Variants in ZBTB16 observed in about 807,000 individuals in gnomAD.
ZBTB16 encodes the protein zinc finger and BTB domain-containing protein 16.
Under a neutral mutation model 56.8 loss-of-function variants are expected in ZBTB16, and 8 were observed. That is an observed-to-expected ratio of 0.14 (90% CI 0.08 to 0.25). ZBTB16 has a LOEUF of 0.25. Among genes scored for constraint, ZBTB16 ranks in the 10% least tolerant of loss-of-function variants. The pLI is 1.00. For missense variants in ZBTB16, 625 were observed against 903.0 expected (o/e 0.69, Z 3.95); for synonymous variants, 363 against 368.5 (o/e 0.98, Z 0.17).
chr11:114,085,268 T>G (rs1939918386), intron 2 of ZBTB16, among the ~76,000 whole-genome samples: 1 of 152,218 alleles, frequency 6.6e-6, no homozygotes, highest in Non-Finnish European at 1.5e-5. Flanking sequence ...CCATTCTATC[T>G]TATTTCATTT....
At chr11:114,153,825 G>T (rs752985813) in intron 2 of ZBTB16, among the ~76,000 whole-genome samples, 6 of 152,168 alleles carry the variant, frequency 3.9e-5, no homozygotes, top group Non-Finnish European at 7.4e-5. Context: ...CAAAATATTT[G>T]ATGTGATCTT....
intron 3 of ZBTB16, among the ~76,000 whole-genome samples, chr11:114,182,570 G>C (rs1415927513): frequency 6.6e-6 from 1 of 152,134 alleles, no homozygotes; most frequent in African/African-American, 2.4e-5. Context: ...GCAAGTCATG[G>C]CCATCCCAGA....
intron 4 of ZBTB16, among the ~76,000 whole-genome samples, chr11:114,239,879 G>A (rs982842119): frequency 1.2e-4 from 19 of 152,200 alleles, no homozygotes; most frequent in Non-Finnish European, 1.6e-4. Flanking sequence ...AAGACAAACC[G>A]AGATATTTTC....
At position 114,069,159 on chromosome 11, in the gene ZBTB16, C is replaced by T. The variant is rs965253025; in HGVS notation, c.1268+4591C>T. On this transcript the variant is annotated intron_variant, in intron 2 of 6. Transcript: ENST00000335953. ...GGAGTGCAGTGGCGCGATCTCAGCT[C>T]ACTGCAAGCTCTGCCTCCCAGGTTC... is the stretch of plus-strand genomic sequence containing the variant. Among the ~76,000 whole-genome samples, 3 of 152,204 alleles carry T rather than the reference C, an allele frequency of 2.0e-5. No individual in the cohort carries two copies. In the East Asian group the frequency reaches 5.8e-4, roughly 29 times the overall value.
intron 2 of ZBTB16, among the ~76,000 whole-genome samples, chr11:114,141,121 C>T (rs1424023603): frequency 1.3e-5 from 2 of 152,212 alleles, no homozygotes; most frequent in Non-Finnish European, 2.9e-5. Context: ...GCCAGGCCAG[C>T]CTCCTGAAGG....
At chr11:114,128,472 T>A (rs1040319686) in intron 2 of ZBTB16, among the ~76,000 whole-genome samples, 4 of 152,196 alleles carry the variant, frequency 2.6e-5, no homozygotes, top group African/African-American at 4.8e-5. Flanking sequence ...TGTAGGATCT[T>A]AGGCAAATTG....
intron 1 of ZBTB16, among the ~76,000 whole-genome samples, chr11:114,062,331 G>A (rs899474845): frequency 6.6e-5 from 10 of 152,116 alleles, no homozygotes; most frequent in Non-Finnish European, 1.2e-4. Flanking sequence ...TCGAACTCCC[G>A]ACCTCAGGTG....
chr11:114,181,937 T>C (rs141808178), intron 3 of ZBTB16, among the ~76,000 whole-genome samples: 4,385 of 152,344 alleles, frequency 0.029, 111 homozygotes, highest in African/African-American at 0.065. Context: ...TGTTCTCACG[T>C]GGTGGCCTTG....
At chr11:114,191,454 A>G (rs550042382) in intron 4 of ZBTB16, among the ~76,000 whole-genome samples, 1 of 152,316 alleles carries the variant, frequency 6.6e-6, no homozygotes, top group South Asian at 2.1e-4. Flanking sequence ...GCTGTCCCAT[A>G]TAGCCTAGGT....
At chr11:114,072,303 C>CT (rs1451656910) in intron 2 of ZBTB16, among the ~76,000 whole-genome samples, 8 of 152,218 alleles carry the variant, frequency 5.3e-5, no homozygotes, top group Non-Finnish European at 1.0e-4. Flanking sequence ...CCAGGGTACT[C>CT]TTTGTCCCAT....
intron 2 of ZBTB16, among the ~76,000 whole-genome samples, chr11:114,140,293 G>T (rs1447978902): frequency 1.3e-5 from 2 of 152,198 alleles, no homozygotes; most frequent in African/African-American, 2.4e-5. Context: ...TCCCACTCAG[G>T]CTGGGTGTTG....
chr11:114,064,611 C>T lies in ZBTB16; in HGVS notation c.1268+43C>T. On this transcript the variant is annotated intron_variant, in intron 2 of 6. Transcript: ENST00000335953. This position sits in a 1 kb window ranked among gnomAD's most constrained non-coding sequence, Gnocchi z 4.2. ...CCCGCACCTGATGTAGGACTTGAGG[C>T]CCTCACACCCCTCCTTCACACCCTG... 6.2e-7 allele frequency: 1 copy of T among 1,605,676 alleles called. No homozygotes were observed.
intron 4 of ZBTB16, among the ~76,000 whole-genome samples, chr11:114,213,523 A>G (rs957682396): frequency 3.3e-5 from 5 of 152,190 alleles, no homozygotes; most frequent in Non-Finnish European, 7.3e-5. Context: ...CTTCTTGCTC[A>G]TGGGAGGAGA....
chr11:114,096,258 T>C (rs938702984), intron 2 of ZBTB16, among the ~76,000 whole-genome samples: 6 of 152,210 alleles, frequency 3.9e-5, no homozygotes, highest in Admixed American at 3.3e-4. Flanking sequence ...GCTTTGGATA[T>C]TGGAGAGCTG....
intron 2 of ZBTB16, among the ~76,000 whole-genome samples, chr11:114,123,496 C>G (rs1941401255): frequency 6.6e-6 from 1 of 151,880 alleles, no homozygotes; most frequent in African/African-American, 2.4e-5. Flanking sequence ...CACATATGTA[C>G]AGGCATATAT....
At chr11:114,114,499 G>C (rs936779907) in intron 2 of ZBTB16, among the ~76,000 whole-genome samples, 7 of 152,142 alleles carry the variant, frequency 4.6e-5, no homozygotes, top group Admixed American at 3.9e-4. Context: ...ATGACTGAAG[G>C]CATAGTGTTT....
At chr11:114,141,806 A>T (rs1941952432) in intron 2 of ZBTB16, among the ~76,000 whole-genome samples, 3 of 152,246 alleles carry the variant, frequency 2.0e-5, no homozygotes, top group African/African-American at 7.2e-5. Flanking sequence ...CTCAGAAAGA[A>T]ATAGAAATAA....
chr11:114,101,247 T>G (rs1056786373), intron 2 of ZBTB16, among the ~76,000 whole-genome samples: 2 of 152,138 alleles, frequency 1.3e-5, no homozygotes, highest in Admixed American at 1.3e-4. Flanking sequence ...TCAAACAATC[T>G]TCCCTCCTTG....
chr11:114,067,379 G>A (rs1455010875), intron 2 of ZBTB16, among the ~76,000 whole-genome samples: 3 of 152,090 alleles, frequency 2.0e-5, no homozygotes, highest in African/African-American at 7.2e-5. Context: ...TGTCACATGT[G>A]GGCTGCTGAC....
Sources: gnomAD v4.1 joint callset for allele counts (sites outside exome capture counted in the v4.1 genomes callset) on GRCh38, gnomAD v4.1.1 for gene constraint, Gnocchi (gnomAD v3.1) non-coding constraint, MANE v1.5 for transcripts, NCBI Gene and HGNC (gene_info 2026-07-23, HGNC 2026-07-21) for gene names.